The following PHF14 variants were observed in gnomAD, a reference collection of about 807,000 sequenced individuals.
The protein encoded by PHF14 is PHD finger protein 14.
A neutral mutation model predicts 117.9 loss-of-function variants in PHF14; 55 were observed. The ratio of observed to expected loss-of-function variants is 0.47; its 90% CI spans 0.38 to 0.58. The LOEUF (loss-of-function observed/expected upper bound fraction) is 0.58, where lower values mean the gene tolerates loss of function less well. Ranked by LOEUF, PHF14 falls within the 20% of genes least tolerant of loss-of-function variation. The pLI, the probability that PHF14 is intolerant of heterozygous loss-of-function variation, is 0.00. For synonymous variants in PHF14, 409 were observed against 368.6 expected, an observed-to-expected ratio of 1.11 and a Z score of -1.26; for missense variants, 978 against 1,122.2, an observed-to-expected ratio of 0.87 and a Z score of 1.84.
At chr7:11,102,403 G>A in intron 16 of PHF14, 1 of 1,470,974 alleles carries the variant, frequency 6.8e-7, no homozygotes. Flanking sequence ...ACTGTGGTTT[G>A]TTAGTATGTT....
At chr7:11,103,456 G>A (rs1787157615) in intron 16 of PHF14, 1 of 979,538 alleles carries the variant, frequency 1.0e-6, no homozygotes, top group Admixed American at 6.2e-5. Flanking sequence ...CTTTCCAGAG[G>A]TATACAGAAT....
At chr7:10,987,419 G>A (rs1011000324) in intron 3 of PHF14, among the ~76,000 whole-genome samples, 1 of 152,034 alleles carries the variant, frequency 6.6e-6, no homozygotes, top group African/African-American at 2.4e-5. Flanking sequence ...ACAGTCATAT[G>A]TGGAATATAT....
chr7:11,095,801 T>G (rs1489301402), intron 16 of PHF14, among the ~76,000 whole-genome samples: 1 of 152,160 alleles, frequency 6.6e-6, no homozygotes, highest in African/African-American at 2.4e-5. Context: ...ATCACGGACA[T>G]CTCAGCTAGA....
Position 10,983,267 on chromosome 7 carries a change from C to A in PHF14, c.900+108C>A, listed in dbSNP as rs375633106. 3 of 1,274,198 alleles carry A rather than the reference C, an allele frequency of 2.4e-6. No homozygotes were observed. In the Admixed American group the frequency reaches 7.4e-5, roughly 31 times the overall value. 78.9% of individuals were successfully genotyped at this position (1,274,198 alleles called of 1,614,324 possible). A position where few individuals can be genotyped will look rare whatever the true frequency, so the allele number is the denominator to read the frequency against. ...GCTTCCTTGAAATCCTATTTATAGA[C>A]GGCTGTGGGATGAATGAGCACCCTA... On this transcript the variant is annotated intron_variant, in intron 3 of 17. Transcript: ENST00000634607.
intron 13 of PHF14, among the ~76,000 whole-genome samples, chr7:11,046,864 A>C (rs1400506207): frequency 6.6e-6 from 1 of 151,856 alleles, no homozygotes; most frequent in Non-Finnish European, 1.5e-5. Flanking sequence ...GCTTAGACAT[A>C]AGAAAAAAAA....
chr7:11,063,345 A>G, intron 16 of PHF14: 6 of 984,376 alleles, frequency 6.1e-6, no homozygotes, highest in Non-Finnish European at 7.2e-6. Context: ...ACCACAGTAT[A>G]AATTTTGCAA....
intron 17 of PHF14, among the ~76,000 whole-genome samples, chr7:11,165,716 C>T (rs779196111): frequency 3.3e-5 from 5 of 152,096 alleles, no homozygotes; most frequent in Non-Finnish European, 7.3e-5. Flanking sequence ...TATTAATTGG[C>T]ATCAATTATT....
intron 4 of PHF14, among the ~76,000 whole-genome samples, chr7:10,995,666 T>C (rs1188141124): frequency 6.6e-6 from 1 of 152,138 alleles, no homozygotes; most frequent in African/African-American, 2.4e-5. Context: ...GGCTCAGGCA[T>C]GGTGGGCTGC....
intron 5 of PHF14, among the ~76,000 whole-genome samples, chr7:11,020,317 T>A (rs1391888847): frequency 6.6e-6 from 1 of 152,194 alleles, no homozygotes. Flanking sequence ...CTTGAGCTCC[T>A]GGGCTCAAGC....
At chr7:11,135,256 G>A (rs1365459945) in intron 17 of PHF14, among the ~76,000 whole-genome samples, 7 of 152,162 alleles carry the variant, frequency 4.6e-5, no homozygotes, top group Non-Finnish European at 5.9e-5. Flanking sequence ...TACTTATCAG[G>A]GCTTTTGAGG....
intron 3 of PHF14, among the ~76,000 whole-genome samples, chr7:10,983,399 G>C (rs1006724201): frequency 7.2e-5 from 11 of 152,138 alleles, no homozygotes; most frequent in African/African-American, 2.7e-4. Flanking sequence ...AATATTTAGA[G>C]AAATATTTTT....
At chr7:11,061,279 T>C (rs1464061447) in intron 14 of PHF14, 3 of 152,242 alleles carry the variant, frequency 2.0e-5, no homozygotes, top group African/African-American at 7.2e-5. Flanking sequence ...AGTTTTATGT[T>C]AACTAGGATT....
At chr7:11,142,702 G>C (rs1471547067) in intron 17 of PHF14, among the ~76,000 whole-genome samples, 1 of 152,062 alleles carries the variant, frequency 6.6e-6, no homozygotes, top group African/African-American at 2.4e-5. Context: ...ATGATGATAA[G>C]ATTTTGCTTT....
chr7:11,106,813 A>G (rs1787280622), intron 16 of PHF14: 1 of 984,578 alleles, frequency 1.0e-6, no homozygotes, highest in Non-Finnish European at 1.2e-6. Context: ...AGTTCTCTGG[A>G]TATTTAGTTT....
intron 4 of PHF14, among the ~76,000 whole-genome samples, chr7:11,007,245 T>TC (rs1261523091): frequency 3.3e-5 from 5 of 152,144 alleles, no homozygotes; most frequent in Non-Finnish European, 7.4e-5. Flanking sequence ...TCTCTTTTTT[T>TC]CTCATTGACT....
At chr7:11,094,127 A>G (rs1786752939) in intron 16 of PHF14, among the ~76,000 whole-genome samples, 2 of 152,178 alleles carry the variant, frequency 1.3e-5, no homozygotes, top group South Asian at 4.1e-4. Context: ...CAACCAGTGA[A>G]TGGTCTTTCT....
At chr7:10,979,846 C>G (rs1185169214) in intron 2 of PHF14, among the ~76,000 whole-genome samples, 1 of 152,046 alleles carries the variant, frequency 6.6e-6, no homozygotes, top group Non-Finnish European at 1.5e-5. Flanking sequence ...TTGCTGATCC[C>G]TGTAGTTGGA....
Position 10,982,412 on chromosome 7 carries a change from G to T in PHF14, c.153G>T (p.Lys51Asn). ...GTAATGGAAGTGAAGATGCTTCAAA[G>T]GACAGTGGAGAAGGTTCCTGTAGTG... ...GSGNGSEDAS[K>N]DSGEGSCSDS... Residue 51 changes from lysine (K) to asparagine (N), a missense_variant, in exon 3 of 18, where the codon AAG becomes AAT. Lys to Asn is a moderately conservative substitution (Grantham distance 94, BLOSUM62 0). Around this residue, in one of 7 missense-constraint regions of PHF14, gnomAD observed 414 missense variants for 376.4 expected, o/e 1.10. Transcript: ENST00000634607. The T allele has an allele frequency of 6.3e-7, 1 of 1,580,338 alleles. No individual in the cohort carries two copies. The highest frequency in any genetic ancestry group is 8.6e-7 in the Non-Finnish European group (1 of 1,168,946).
rs1287549499 is a variant in PHF14, at chr7:10,974,304, G to A, written c.-20G>A. On this transcript the variant is annotated 5_prime_UTR_variant, in exon 1 of 18. Coordinates refer to ENST00000634607, the MANE Select transcript of PHF14 (RefSeq NM_001007157.2). ...GCCTCTCCCTAAGTCTTCTCCAAACGACCACCTCACGGATTCCTTAGTAAG... is the reference window on the plus strand; with the variant it reads ...GCCTCTCCCTAAGTCTTCTCCAAACAACCACCTCACGGATTCCTTAGTAAG... 1 of 1,587,816 alleles carries A rather than the reference G, an allele frequency of 6.3e-7. No homozygotes were observed. The highest frequency in any genetic ancestry group is 8.6e-7 in the Non-Finnish European group (1 of 1,166,394).
Sources: allele counts gnomAD v4.1 joint callset (sites outside exome capture counted in the v4.1 genomes callset), GRCh38; gene constraint gnomAD v4.1.1; regional missense constraint gnomAD v4.1.1; transcripts MANE v1.5; gene names NCBI Gene and HGNC (gene_info 2026-07-23, HGNC 2026-07-21).